ACACB: variants seen among roughly 807,000 people sequenced by gnomAD.
ACACB encodes the protein acetyl-CoA carboxylase 2.
Under a neutral mutation model 278.8 loss-of-function variants are expected in ACACB, and 209 were observed. The ratio of observed to expected loss-of-function variants is 0.75; its 90% CI spans 0.67 to 0.84. The LOEUF is 0.84. ACACB is among the 40% of genes least tolerant of loss of function. The pLI is 0.00. For synonymous variants in ACACB, 1,174 were observed against 1,285.6 expected (o/e 0.91, Z 1.86); for missense variants, 2,850 against 3,269.0 (o/e 0.87, Z 3.13).
At chr12:109,262,512 G>C (rs779137951) in intron 49 of ACACB, 43 bp downstream of exon 49, 1 of 1,303,582 alleles carries the variant, frequency 7.7e-7, no homozygotes, top group African/African-American at 1.5e-5. Flanking sequence ...GGTCAAGAGA[G>C]GCCCAGCTGG....
At chr12:109,173,719 C>G (rs943278615) in intron 6 of ACACB, among the ~76,000 whole-genome samples, 1 of 152,230 alleles carries the variant, frequency 6.6e-6, no homozygotes, top group African/African-American at 2.4e-5. Flanking sequence ...AAAGTTGAGT[C>G]ATTGTGACAG....
rs1387239626 is a variant in ACACB, at chr12:109,241,217, A to G, written c.4958A>G (p.Asn1653Ser). 2 of 1,614,168 alleles carry G rather than the reference A, an allele frequency of 1.2e-6. No individual in the cohort carries two copies. Among genetic ancestry groups the G allele is most frequent in the Middle Eastern group, 1.6e-4 (1 of 6,062 alleles). ...GTTCCCATCCGCCTGTTCATCACCA[A>G]TGAGTCGGGCTACTACCTGGACATC... Reference protein sequence around the residue: ...SAVPIRLFITNESGYYLDISL... With the variant: ...SAVPIRLFITSESGYYLDISL... The change falls in exon 36 of 53, where the codon AAT (asparagine) becomes AGT (serine). Residue 1653 changes from asparagine (N) to serine (S), a missense_variant. Physicochemically the swap from Asn to Ser is conservative, Grantham distance 46 (BLOSUM62 1). Transcript: ENST00000338432.
In ACACB at chr12:109,223,847, C is replaced by T. The variant is rs2046244083; in HGVS notation, c.3825C>T (p.Asp1275=). Residue 1275 remains aspartate (D), a synonymous_variant, in exon 27 of 53, where the codon GAC becomes GAT. Coordinates refer to ENST00000338432, the MANE Select transcript of ACACB (RefSeq NM_001093.4). Reference sequence around the variant, plus strand: ...TACTTTCGGAAACAACCATCTTCGACGTCCTGCCTACTTTCTTCTATCACG... The same window carrying T: ...TACTTTCGGAAACAACCATCTTCGATGTCCTGCCTACTTTCTTCTATCACG... The part of the protein sequence containing the change: ...KLILSETTIF[D]VLPTFFYHAN... 2.8e-5 allele frequency: 46 copies of T among 1,614,140 alleles called. No individual in the cohort carries two copies. Among genetic ancestry groups the T allele is most frequent in the Non-Finnish European group, 3.8e-5 (45 of 1,179,980 alleles).
rs143696431 is a variant in ACACB, at chr12:109,150,121, C to T, written c.653+10063C>T. On this transcript the variant is annotated intron_variant, in intron 2 of 52. Coordinates refer to ENST00000338432, the MANE Select transcript of ACACB (RefSeq NM_001093.4). ...ATGGTGCGATCATGGTCATTAGATCCAGTGCACGGCATAAGAGCCCAGGAC... is the reference window on the plus strand; with the variant it reads ...ATGGTGCGATCATGGTCATTAGATCTAGTGCACGGCATAAGAGCCCAGGAC... Among the ~76,000 whole-genome samples the T allele has an allele frequency of 4.6e-5, 7 of 152,290 alleles. No individual in the cohort carries two copies. The East Asian group carries it at 9.7e-4, about 21-fold the overall frequency.
At position 109,204,843 on chromosome 12, in the gene ACACB, T is replaced by C. The variant is rs1165028831; in HGVS notation, c.2914-1867T>C. On this transcript the variant is annotated intron_variant, in intron 19 of 52. Coordinates refer to ENST00000338432, the MANE Select transcript of ACACB (RefSeq NM_001093.4). ...TGACTGTTGTTACAATTCTTTTCAT[T>C]AGTCTCTTTCTCTCTTTTTTTGAGA... Among the ~76,000 whole-genome samples the C allele has an allele frequency of 2.0e-5, 3 of 152,088 alleles. No homozygotes were observed. In the East Asian group the frequency reaches 5.8e-4, roughly 29 times the overall value.
intron 21 of ACACB, among the ~76,000 whole-genome samples, chr12:109,209,883 GTATA>G (rs765283650): frequency 7.7e-6 from 1 of 130,212 alleles, no homozygotes; most frequent in Admixed American, 7.5e-5. Flanking sequence ...ACACACGTGT[GTATA>G]TATGTATATA....
At position 109,259,071 on chromosome 12, in the gene ACACB, C is replaced by A. The variant is rs766434655; in HGVS notation, c.6459C>A (p.Ile2153=). 1 of 1,614,002 alleles carries A rather than the reference C, an allele frequency of 6.2e-7. No homozygotes were observed. Among genetic ancestry groups the A allele is most frequent in the African/African-American group, 1.3e-5 (1 of 74,898 alleles). Residue 2153 remains isoleucine, a synonymous_variant, in exon 47 of 53, where the codon ATC becomes ATA. Transcript: ENST00000338432. ...DFNREKLPLM[I]FANWRGFSGG... is the part of the protein sequence containing the mutation. ...ACCGGGAGAAGTTGCCCCTGATGAT[C>A]TTTGCCAACTGGAGGGGGTTCTCCG...
At position 109,172,312 on chromosome 12, in the gene ACACB, C is replaced by G. The variant is rs1434187370; in HGVS notation, c.1073C>G (p.Pro358Arg). 12 of 1,614,020 alleles carry G rather than the reference C, an allele frequency of 7.4e-6. No homozygotes were observed. Among genetic ancestry groups the G allele is most frequent in the Admixed American group, 6.7e-5 (4 of 59,998 alleles). ...WAGWGHASEN[P>R]KLPELLCKNG... ...GGCTGGGGCCATGCTTCAGAAAACC[C>G]TAAACTTCCGGAGCTGCTGTGCAAG... The change falls in exon 6 of 53, where the codon CCT becomes CGT. Residue 358 changes from proline to arginine, a missense_variant. Pro to Arg is a moderately radical substitution (Grantham distance 103). Around this residue, in one of 3 missense-constraint regions of ACACB, gnomAD observed 2,265 missense variants for 2,561.3 expected, o/e 0.88. Coordinates refer to ENST00000338432, the MANE Select transcript of ACACB (RefSeq NM_001093.4).
intron 16 of ACACB, 23 bp from the exon 17 acceptor site, chr12:109,196,981 GCGGT>G: frequency 6.6e-7 from 1 of 1,524,200 alleles, no homozygotes; most frequent in Non-Finnish European, 8.7e-7. Context: ...CTGAACCCAG[GCGGT>G]GACAAGGGGC....
Position 109,178,870 on chromosome 12 carries a change from C to T in ACACB, c.1438-218C>T, listed in dbSNP as rs961699816. On this transcript the variant is annotated intron_variant, in intron 9 of 52. Coordinates refer to ENST00000338432, the MANE Select transcript of ACACB (RefSeq NM_001093.4). The stretch of plus-strand genomic sequence containing the variant: ...TTCATTGTTCTTCCCCACCTGGGGC[C>T]GTCCCCCACCTGGGGCCCCTTTCTC... 4.6e-5 allele frequency among the ~76,000 whole-genome samples: 7 copies of T among 152,264 alleles called. 1 individual carries two copies. In the South Asian group the frequency reaches 6.2e-4, roughly 14 times the overall value.
intron 3 of ACACB, 124 bp downstream of exon 3, chr12:109,167,117 C>A: frequency 8.0e-7 from 1 of 1,256,284 alleles, no homozygotes. Context: ...GGGTGAGGGC[C>A]ACGCTCCTCT....
chr12:109,235,611 A>G lies in ACACB; in HGVS notation c.4410A>G (p.Glu1470=). Reference sequence around the variant, plus strand: ...GTGTGGATTTCTTTTTGCAGAAAGAATTTCCCAAGTTTTTCACATTCAGAG... The same window carrying G: ...GTGTGGATTTCTTTTTGCAGAAAGAGTTTCCCAAGTTTTTCACATTCAGAG... ...RITFLIAQEK[E]FPKFFTFRAR... Residue 1470 remains glutamate (E), a synonymous_variant, in exon 33 of 53, where the codon GAA becomes GAG. Transcript: ENST00000338432. 1.2e-6 allele frequency: 2 copies of G among 1,613,160 alleles called. No homozygotes were observed. The highest frequency in any genetic ancestry group is 8.5e-7 in the Non-Finnish European group (1 of 1,179,250).
In ACACB at chr12:109,233,885, G is replaced by A. The variant is rs778735003; in HGVS notation, c.4239+38G>A. ...GCCCAGGGAGCAACCTGGGGAGCAG[G>A]TGGGCCGTGGCCCCCAGGCTTTCCA... On this transcript the variant is annotated intron_variant, in intron 30 of 52. Transcript: ENST00000338432. The A allele has an allele frequency of 5.0e-6, 8 of 1,613,512 alleles. No homozygotes were observed. In the South Asian group the frequency reaches 6.6e-5, roughly 13 times the overall value.
chr12:109,257,844 T>C (rs912322648), intron 45 of ACACB, among the ~76,000 whole-genome samples: 2 of 152,206 alleles, frequency 1.3e-5, no homozygotes, highest in Non-Finnish European at 2.9e-5. Flanking sequence ...GTGCTGGGAT[T>C]ACAGGCATAA....
intron 46 of ACACB, 43 bp from the exon 47 acceptor site, chr12:109,258,930 T>A (rs762595385): frequency 6.2e-7 from 1 of 1,609,150 alleles, no homozygotes; most frequent in South Asian, 1.1e-5. Flanking sequence ...TCCTGGGTTG[T>A]GGTTGTGCAG....
At chr12:109,191,369 A>T (rs995527816) in intron 13 of ACACB, 1 of 382,158 alleles carries the variant, frequency 2.6e-6, no homozygotes, top group Non-Finnish European at 5.0e-6. Flanking sequence ...GTCCTCCACC[A>T]TGCTGAGCTA....
intron 39 of ACACB, 55 bp downstream of exon 39, chr12:109,246,503 T>G: frequency 6.3e-7 from 1 of 1,580,086 alleles, no homozygotes; most frequent in Non-Finnish European, 8.6e-7. Flanking sequence ...TACTGTATTT[T>G]CAGTGGGAGT....
chr12:109,232,843 T>C (rs1261166742), intron 29 of ACACB, 37 bp downstream of exon 29: 2 of 1,611,712 alleles, frequency 1.2e-6, no homozygotes, highest in African/African-American at 1.3e-5. Context: ...ACCCTGAGCA[T>C]GGGGGCTGGG....
chr12:109,131,702 C>T (rs886983072), intron 1 of ACACB, among the ~76,000 whole-genome samples: 11 of 152,168 alleles, frequency 7.2e-5, no homozygotes, highest in African/African-American at 2.4e-4. Flanking sequence ...TTTCAACAGG[C>T]AGCTGTTGCT....
Sources: allele counts gnomAD v4.1 joint callset (sites outside exome capture counted in the v4.1 genomes callset), GRCh38; gene constraint gnomAD v4.1.1; regional missense constraint gnomAD v4.1.1; transcripts MANE v1.5; gene names NCBI Gene and HGNC (gene_info 2026-07-23, HGNC 2026-07-21).